The following NFIA variants were observed in gnomAD, a reference collection of about 807,000 sequenced individuals.
NFIA encodes nuclear factor 1 A-type.
In NFIA, 8 loss-of-function variants were observed where a neutral mutation model predicts 62.8. The ratio of observed to expected loss-of-function variants is 0.13; its 90% confidence interval spans 0.07 to 0.23. The LOEUF is 0.23. Ranked by LOEUF, NFIA falls within the 10% of genes least tolerant of loss-of-function variation. The pLI is 1.00. For missense variants in NFIA, 410 were observed against 642.1 expected (o/e 0.64, Z 3.91); for synonymous variants, 235 against 238.1 (o/e 0.99, Z 0.12).
chr1:61,198,145 C>A (rs1652168343), intron 2 of NFIA, among the ~76,000 whole-genome samples: 1 of 152,086 alleles, frequency 6.6e-6, no homozygotes, highest in South Asian at 2.1e-4. Context: ...CATTTTCAGG[C>A]AACTTGTGAA....
intron 10 of NFIA, among the ~76,000 whole-genome samples, chr1:61,451,013 G>C (rs1668032232): frequency 6.6e-6 from 1 of 152,176 alleles, no homozygotes; most frequent in South Asian, 2.1e-4. Flanking sequence ...CGCATCAGCT[G>C]TGTCTTCAGC....
At chr1:61,297,461 A>G (rs1027329762) in intron 3 of NFIA, among the ~76,000 whole-genome samples, 2 of 152,166 alleles carry the variant, frequency 1.3e-5, no homozygotes, top group African/African-American at 4.8e-5. Context: ...CCTTCCTTGG[A>G]ATGGTGATGG....
At chr1:61,421,416 C>T (rs1417915395) in intron 9 of NFIA, among the ~76,000 whole-genome samples, 1 of 152,116 alleles carries the variant, frequency 6.6e-6, no homozygotes, top group African/African-American at 2.4e-5. Context: ...CTTGGTAGAT[C>T]GAGTTTAAGG....
At chr1:61,160,271 G>A (rs1649101479) in intron 2 of NFIA, among the ~76,000 whole-genome samples, 1 of 152,180 alleles carries the variant, frequency 6.6e-6, no homozygotes, top group Non-Finnish European at 1.5e-5. Flanking sequence ...AGCAGCATCA[G>A]CATCACTGGG....
intron 2 of NFIA, among the ~76,000 whole-genome samples, chr1:61,272,504 T>G (rs989436646): frequency 6.6e-6 from 1 of 152,166 alleles, no homozygotes; most frequent in African/African-American, 2.4e-5. Flanking sequence ...CAGAGTAATT[T>G]TAAAAATTAT....
chr1:61,269,944 A>T (rs1440282632), intron 2 of NFIA, among the ~76,000 whole-genome samples: 2 of 152,196 alleles, frequency 1.3e-5, no homozygotes, highest in Non-Finnish European at 2.9e-5. Context: ...TTGCCTGATA[A>T]ACAGACTTAA....
chr1:61,291,437 C>A (rs2100308966), intron 3 of NFIA, among the ~76,000 whole-genome samples: 1 of 152,234 alleles, frequency 6.6e-6, no homozygotes, highest in East Asian at 1.9e-4. Flanking sequence ...GGACTCTGAT[C>A]TCTGTGGATT....
chr1:61,375,059 C>T lies in NFIA; in HGVS notation c.947-8178C>T, dbSNP rs146991655. Among the ~76,000 whole-genome samples, 45 of 152,248 alleles carry T rather than the reference C, an allele frequency of 3.0e-4. No individual in the cohort carries two copies. The East Asian group carries it at 5.8e-3, about 20-fold the overall frequency. On this transcript the variant is annotated intron_variant, in intron 6 of 10. Transcript: ENST00000403491. ...CACAAGAACAGAATGGTCCCTTAAC[C>T]GTGGGATTCTTCTGTTCAGTCACAG... is the stretch of plus-strand genomic sequence containing the variant.
chr1:61,441,045 G>A (rs1667549248), intron 10 of NFIA, among the ~76,000 whole-genome samples: 1 of 152,170 alleles, frequency 6.6e-6, no homozygotes, highest in Non-Finnish European at 1.5e-5. Flanking sequence ...GAAACAACTT[G>A]CAAGGCCCCA....
chr1:61,091,296 A>G (rs1210809874), intron 2 of NFIA, among the ~76,000 whole-genome samples: 2 of 152,026 alleles, frequency 1.3e-5, no homozygotes, highest in Non-Finnish European at 2.9e-5. Context: ...GGAAGTTGAA[A>G]TCTCAGAACA....
chr1:61,455,257 T>G (rs1400436218), intron 10 of NFIA, 46 bp from the exon 11 acceptor site: 5 of 1,610,120 alleles, frequency 3.1e-6, no homozygotes, highest in South Asian at 1.1e-5. Flanking sequence ...AAACACACGT[T>G]TTTACAAATT....
intron 2 of NFIA, among the ~76,000 whole-genome samples, chr1:61,120,113 T>G (rs540059345): frequency 6.6e-6 from 1 of 152,318 alleles, no homozygotes; most frequent in East Asian, 1.9e-4. Context: ...AAACCAGATT[T>G]CATTGGTTTA....
chr1:61,233,145 C>A (rs565509083), intron 2 of NFIA, among the ~76,000 whole-genome samples: 3 of 152,156 alleles, frequency 2.0e-5, no homozygotes, highest in Non-Finnish European at 4.4e-5. Flanking sequence ...TGATTCAGTA[C>A]CTACTATATT....
chr1:61,123,085 A>G (rs556175080), intron 2 of NFIA, among the ~76,000 whole-genome samples: 1 of 152,254 alleles, frequency 6.6e-6, no homozygotes, highest in Non-Finnish European at 1.5e-5. Flanking sequence ...ATATCCTATC[A>G]TCAGAATCCC....
At chr1:61,093,006 G>A (rs1646346789) in intron 2 of NFIA, among the ~76,000 whole-genome samples, 1 of 152,158 alleles carries the variant, frequency 6.6e-6, no homozygotes, top group African/African-American at 2.4e-5. Context: ...AAGGTTTTCA[G>A]TGCATATAGA....
intron 2 of NFIA, among the ~76,000 whole-genome samples, chr1:61,141,860 T>TA (rs1429724103): frequency 2.0e-5 from 3 of 152,238 alleles, no homozygotes; most frequent in African/African-American, 4.8e-5. Flanking sequence ...GGTGGGAAGA[T>TA]ACAGTTTCTG....
chr1:61,085,487 C>A (rs1382901769), intron 1 of NFIA, among the ~76,000 whole-genome samples: 1 of 151,538 alleles, frequency 6.6e-6, no homozygotes, highest in Non-Finnish European at 1.5e-5. Flanking sequence ...GTAAAACGTT[C>A]TTTTTTTCCT....
chr1:61,078,332 A>G (rs1376361018), upstream of NFIA, among the ~76,000 whole-genome samples: 1 of 151,972 alleles, frequency 6.6e-6, no homozygotes, highest in Non-Finnish European at 1.5e-5. Flanking sequence ...TTTTGGAAAA[A>G]GAAACATTCT....
At chr1:61,396,575 T>C (rs965753381) in intron 7 of NFIA, among the ~76,000 whole-genome samples, 1 of 152,122 alleles carries the variant, frequency 6.6e-6, no homozygotes, top group African/African-American at 2.4e-5. Flanking sequence ...TCAATATGTA[T>C]TAGATTTCTG....
Sources: allele counts gnomAD v4.1 joint callset (sites outside exome capture counted in the v4.1 genomes callset), GRCh38; gene constraint gnomAD v4.1.1; transcripts MANE v1.5; gene names NCBI Gene and HGNC (gene_info 2026-07-23, HGNC 2026-07-21).